FRMD3: variants seen among roughly 807,000 people sequenced by gnomAD.
The protein encoded by FRMD3 is FERM domain containing 3.
In FRMD3, 33 loss-of-function variants were observed where a neutral mutation model predicts 70.2. The observed-to-expected ratio is 0.47, with a 90% CI of 0.36 to 0.63. The LOEUF is 0.63. FRMD3 is among the 20% of genes least tolerant of loss of function. The pLI, the probability that FRMD3 is intolerant of heterozygous loss-of-function variation, is 0.00. For missense variants in FRMD3, 632 were observed against 711.4 expected (o/e 0.89, Z 1.27); for synonymous variants, 279 against 255.9 (o/e 1.09, Z -0.86).
chr9:83,364,269 T>C (rs1288108799), intron 3 of FRMD3, among the ~76,000 whole-genome samples: 1 of 152,200 alleles, frequency 6.6e-6, no homozygotes, highest in Non-Finnish European at 1.5e-5. Context: ...TTACTAAGAA[T>C]CTACTCTGGC....
intron 13 of FRMD3, among the ~76,000 whole-genome samples, chr9:83,268,773 GC>G (rs1363910255): frequency 6.6e-6 from 1 of 152,116 alleles, no homozygotes; most frequent in African/African-American, 2.4e-5. Context: ...ACCTCAATGG[GC>G]CCCCCACTCC....
chr9:83,244,785 G>T lies in FRMD3; in HGVS notation c.*3133C>A, dbSNP rs1397051003. ...AGTATTTCAATGAAATAAACTCATT[G>T]TGAATTCACCCCGAGTTGTGTTTAT... On this transcript the variant is annotated 3_prime_UTR_variant, in exon 14 of 14. Transcript: ENST00000304195. 4.1e-6 allele frequency: 4 copies of T among 985,138 alleles called. No individual in the cohort carries two copies. The African/African-American group carries it at 5.2e-5, about 13-fold the overall frequency. 61.0% of individuals were successfully genotyped at this position (985,138 alleles called of 1,614,324 possible). A position where few individuals can be genotyped will look rare whatever the true frequency, so the allele number is the denominator to read the frequency against.
At chr9:83,342,716 ATAG>A (rs1334295800) in intron 5 of FRMD3, among the ~76,000 whole-genome samples, 120 of 147,646 alleles carry the variant, frequency 8.1e-4, no homozygotes, top group Admixed American at 2.5e-3. Context: ...AGATAGATAG[ATAG>A]ATAGATAGAT....
intron 1 of FRMD3, among the ~76,000 whole-genome samples, chr9:83,450,347 G>GTTTTTTTTTTT (rs763340189): frequency 9.0e-6 from 1 of 111,592 alleles, no homozygotes; most frequent in African/African-American, 3.4e-5. Context: ...GTCACCCTCA[G>GTTTTTTTTTTT]TTTTTTTTTT....
chr9:83,515,309 A>C (rs1462457941), intron 1 of FRMD3, among the ~76,000 whole-genome samples: 1 of 152,228 alleles, frequency 6.6e-6, no homozygotes, highest in Non-Finnish European at 1.5e-5. Context: ...ACAGCACGAA[A>C]GCTTCGTGAA....
At chr9:83,500,831 T>C (rs1829052858) in intron 1 of FRMD3, among the ~76,000 whole-genome samples, 1 of 152,196 alleles carries the variant, frequency 6.6e-6, no homozygotes, top group Non-Finnish European at 1.5e-5. Flanking sequence ...GGGGTTAGCT[T>C]CTCTGCAGCA....
At chr9:83,255,943 T>C (rs939914107) in intron 13 of FRMD3, among the ~76,000 whole-genome samples, 4 of 152,192 alleles carry the variant, frequency 2.6e-5, no homozygotes, top group Non-Finnish European at 4.4e-5. Context: ...ATGGCCATAC[T>C]GCCCAAAGTA....
At chr9:83,389,772 G>T in intron 1 of FRMD3, 64 bp from the exon 2 acceptor site, 1 of 1,130,292 alleles carries the variant, frequency 8.8e-7, no homozygotes, top group Non-Finnish European at 1.3e-6. Context: ...TCCTCAGGGA[G>T]CCTTGTTCAC....
the FRMD3 span, among the ~76,000 whole-genome samples, chr9:83,578,777 C>T: frequency 1.3e-5 from 2 of 151,946 alleles, no homozygotes; most frequent in Non-Finnish European, 2.9e-5. Flanking sequence ...GATGCCCACT[C>T]TCATCATTTC....
intron 1 of FRMD3, among the ~76,000 whole-genome samples, chr9:83,469,501 G>A (rs1263581460): frequency 6.6e-6 from 1 of 152,192 alleles, no homozygotes; most frequent in Non-Finnish European, 1.5e-5. Flanking sequence ...GGGGCAACAG[G>A]GAAGTGCCTG....
intron 13 of FRMD3, chr9:83,281,483 T>G (rs1383424929): frequency 6.6e-6 from 1 of 152,124 alleles, no homozygotes; most frequent in Non-Finnish European, 1.5e-5. Flanking sequence ...GACTGACTCA[T>G]TTTTTCACCC....
intron 4 of FRMD3, among the ~76,000 whole-genome samples, chr9:83,345,445 G>A (rs1823923119): frequency 6.6e-6 from 1 of 152,120 alleles, no homozygotes; most frequent in Non-Finnish European, 1.5e-5. Flanking sequence ...GGATGGGCTT[G>A]AGATTCTGTA....
chr9:83,264,034 T>C (rs1544063), intron 13 of FRMD3, among the ~76,000 whole-genome samples: 136,083 of 152,130 alleles, frequency 0.89, 61,400 homozygotes, highest in East Asian at 1. Flanking sequence ...CAATAGAAAA[T>C]CCAACACACT....
chr9:83,446,625 C>G (rs1000623615), intron 1 of FRMD3, among the ~76,000 whole-genome samples: 1 of 123,962 alleles, frequency 8.1e-6, no homozygotes, highest in Non-Finnish European at 1.6e-5. Flanking sequence ...CCAGCCTGGG[C>G]GACAGAGCAA....
chr9:83,447,050 G>T (rs1827498203), intron 1 of FRMD3, among the ~76,000 whole-genome samples: 1 of 150,718 alleles, frequency 6.6e-6, no homozygotes, highest in African/African-American at 2.5e-5. Flanking sequence ...TTGAGACAGA[G>T]TCTTGCCTTG....
downstream of FRMD3, chr9:83,243,268 A>C: frequency 6.5e-7 from 1 of 1,531,428 alleles, no homozygotes; most frequent in South Asian, 1.2e-5. Flanking sequence ...GAGAGAAAAG[A>C]AGCAGGAGGA....
intron 1 of FRMD3, among the ~76,000 whole-genome samples, chr9:83,533,358 CTT>C (rs1829827469): frequency 6.6e-6 from 1 of 152,218 alleles, no homozygotes; most frequent in Non-Finnish European, 1.5e-5. Flanking sequence ...TACACTACCA[CTT>C]TGTCAACAGA....
At chr9:83,512,044 C>A (rs925816412) in intron 1 of FRMD3, among the ~76,000 whole-genome samples, 1 of 152,058 alleles carries the variant, frequency 6.6e-6, no homozygotes, top group African/African-American at 2.4e-5. Context: ...GCTATGTGAC[C>A]GAAGACAGGG....
rs924579553 is a variant in FRMD3 at position 83,332,500 on chromosome 9, T to C, written c.596+3016A>G. ...GTAGCCTCCCAGAGAGGAAATTTCTTTTTTCTCTCTCATTAATTTTCTGCC... is the reference window on the plus strand; with the variant it reads ...GTAGCCTCCCAGAGAGGAAATTTCTCTTTTCTCTCTCATTAATTTTCTGCC... On this transcript the variant is annotated intron_variant, in intron 6 of 13. Transcript: ENST00000304195. Among the ~76,000 whole-genome samples, 11 of 152,056 alleles carry C rather than the reference T, an allele frequency of 7.2e-5. No homozygotes were observed. In the East Asian group the frequency reaches 1.7e-3, roughly 24 times the overall value.
Sources: gnomAD v4.1 joint callset for allele counts (sites outside exome capture counted in the v4.1 genomes callset) on GRCh38, gnomAD v4.1.1 for gene constraint, MANE v1.5 for transcripts, NCBI Gene and HGNC (gene_info 2026-07-23, HGNC 2026-07-21) for gene names.